The following ZCCHC14 variants were observed in gnomAD, a reference collection of about 807,000 sequenced individuals.
ZCCHC14 encodes zinc finger CCHC-type containing 14, also known as zinc finger CCHC domain-containing protein 14.
ZCCHC14 carries 16 observed loss-of-function variants against 85.0 expected under a neutral mutation model. That is an observed-to-expected ratio of 0.19 (90% CI 0.13 to 0.29). ZCCHC14 has a LOEUF of 0.29. ZCCHC14 is among the 10% of genes least tolerant of loss of function. ZCCHC14 has a pLI of 1.00. For synonymous variants in ZCCHC14, 775 were observed against 630.7 expected (o/e 1.23, Z -3.43); for missense variants, 1,303 against 1,443.5 (o/e 0.90, Z 1.58).
chr16:87,477,146 ACAAAACCAAAAAAAAATTGAAGTGGTG>A (rs1912054118), intron 1 of ZCCHC14, among the ~76,000 whole-genome samples: 1 of 99,778 alleles, frequency 1.0e-5, no homozygotes, highest in Admixed American at 1.2e-4. Context: ...AAAAAACAAA[ACAAAACCAAAAAAAAATTGAAGTGGTG>A]AAAACACCAG....
At chr16:87,468,497 C>A (rs1027087329) in intron 1 of ZCCHC14, among the ~76,000 whole-genome samples, 2 of 151,840 alleles carry the variant, frequency 1.3e-5, no homozygotes, top group African/African-American at 4.8e-5. Flanking sequence ...ACTTCAGCCT[C>A]CAGAGAAGCT....
intron 3 of ZCCHC14, among the ~76,000 whole-genome samples, chr16:87,424,554 G>T (rs1046272040): frequency 7.9e-5 from 12 of 152,276 alleles, no homozygotes; most frequent in African/African-American, 2.9e-4. Context: ...GTCACTGCAT[G>T]GCTCCACGGA....
chr16:87,413,215 G>T lies in ZCCHC14; in HGVS notation c.1604-20C>A. The T allele has an allele frequency of 6.6e-7, 1 of 1,518,856 alleles. No homozygotes were observed. The highest frequency in any genetic ancestry group is 8.8e-7 in the Non-Finnish European group (1 of 1,135,554). The allele number at this position is 1,518,856 out of a possible 1,614,324, so 94.1% of individuals were successfully genotyped here. A position where few individuals can be genotyped will look rare whatever the true frequency, so the allele number is the denominator to read the frequency against. ...GCAGCTCTGCAGAAAAGGGACAGAG[G>T]AGCAGCCATCAACTAGCGCCCCTGC... On this transcript the variant is annotated intron_variant, in intron 10 of 12. Coordinates refer to ENST00000671377, the MANE Select transcript of ZCCHC14 (RefSeq NM_015144.3).
At chr16:87,437,457 G>A (rs1420572920) in intron 2 of ZCCHC14, among the ~76,000 whole-genome samples, 1 of 151,940 alleles carries the variant, frequency 6.6e-6, no homozygotes, top group Non-Finnish European at 1.5e-5. Context: ...CCTCCGTGAG[G>A]AAAGCATTCA....
At chr16:87,415,424 C>T in intron 8 of ZCCHC14, 57 bp from the exon 9 acceptor site, 1 of 1,482,436 alleles carries the variant, frequency 6.7e-7, no homozygotes, top group Admixed American at 1.7e-5. Flanking sequence ...ACTCTGAGAA[C>T]AAAGAACTTG....
chr16:87,413,040 C>G lies in ZCCHC14; in HGVS notation c.1744+15G>C. ...GCTGGGCCAGGTCGAGCCAGCGCCG[C>G]GCACGTGCCCTTACGTCTGTCATTC... On this transcript the variant is annotated intron_variant, in intron 11 of 12. Transcript: ENST00000671377. 1 of 1,614,168 alleles carries G rather than the reference C, an allele frequency of 6.2e-7. No homozygotes were observed. Among genetic ancestry groups the G allele is most frequent in the Non-Finnish European group, 8.5e-7 (1 of 1,180,032 alleles).
Position 87,445,131 on chromosome 16 carries a change from A to G in ZCCHC14, c.695-11930T>C, listed in dbSNP as rs555549584. On this transcript the variant is annotated intron_variant, in intron 2 of 12. Transcript: ENST00000671377. Reference sequence around the variant, plus strand: ...CACCAGGCTGGAGTGCAGCGGTGTGATATCAGCTCACTGCAACCTCTGCCT... The same window carrying G: ...CACCAGGCTGGAGTGCAGCGGTGTGGTATCAGCTCACTGCAACCTCTGCCT... Among the ~76,000 whole-genome samples the G allele has an allele frequency of 5.3e-4, 80 of 150,144 alleles. 1 individual carries two copies. In the South Asian group the frequency reaches 0.014, roughly 27 times the overall value.
At chr16:87,418,580 A>G (rs927586661) in intron 7 of ZCCHC14, among the ~76,000 whole-genome samples, 1 of 152,212 alleles carries the variant, frequency 6.6e-6, no homozygotes, top group African/African-American at 2.4e-5. Context: ...TCACAGCCAG[A>G]TTCTCGGAAA....
At chr16:87,454,059 G>C (rs1321256008) in intron 2 of ZCCHC14, among the ~76,000 whole-genome samples, 1 of 152,194 alleles carries the variant, frequency 6.6e-6, no homozygotes, top group East Asian at 1.9e-4. Context: ...GACTGAAAAT[G>C]ACAGAAGGGT....
At chr16:87,477,132 A>AC (rs1181430373) in intron 1 of ZCCHC14, among the ~76,000 whole-genome samples, 5 of 144,788 alleles carry the variant, frequency 3.5e-5, no homozygotes, top group Non-Finnish European at 7.4e-5. Flanking sequence ...AAAAAAAAAA[A>AC]AAAAAAAAAC....
chr16:87,438,220 C>T (rs1910023507), intron 2 of ZCCHC14, among the ~76,000 whole-genome samples: 1 of 152,280 alleles, frequency 6.6e-6, no homozygotes, highest in Admixed American at 6.5e-5. Context: ...GGAATGCACG[C>T]CCCGACCCAG....
chr16:87,483,390 C>G (rs1283166849), intron 1 of ZCCHC14, among the ~76,000 whole-genome samples: 1 of 146,818 alleles, frequency 6.8e-6, no homozygotes, highest in Non-Finnish European at 1.5e-5. Context: ...ACTTGGGTGG[C>G]TGAGGCAGAA....
At chr16:87,435,670 C>T (rs989974584) in intron 2 of ZCCHC14, among the ~76,000 whole-genome samples, 1 of 152,274 alleles carries the variant, frequency 6.6e-6, no homozygotes, top group Admixed American at 6.5e-5. Context: ...AGGCAGCGGG[C>T]GCTGCGCTCC....
rs1034200358 is a variant in ZCCHC14 at position 87,491,493 on chromosome 16, G to A, written c.570+176C>T. On this transcript the variant is annotated intron_variant, in intron 1 of 12. Transcript: ENST00000671377. The surrounding 1 kb of genome is among the most constrained non-coding windows in gnomAD (Gnocchi z 5.9). ...TTTGGGGTGCGACATAGAGGCTTAG[G>A]ATGGGGCTTGGGATACGGGCTGGGG... is the stretch of plus-strand genomic sequence containing the variant. 5.7e-4 allele frequency among the ~76,000 whole-genome samples: 86 copies of A among 151,984 alleles called. 3 individuals are homozygous for A. Among genetic ancestry groups the A allele is most frequent in the African/African-American group, 7.2e-5 (3 of 41,380 alleles).
At chr16:87,436,834 T>C in intron 2 of ZCCHC14, among the ~76,000 whole-genome samples, 1 of 152,228 alleles carries the variant, frequency 6.6e-6, no homozygotes, top group East Asian at 1.9e-4. Context: ...AACTAAACGA[T>C]CGAAAGTGAT....
chr16:87,467,707 A>C, intron 1 of ZCCHC14: 1 of 694,624 alleles, frequency 1.4e-6, no homozygotes, highest in East Asian at 2.7e-5. Context: ...GCTGGAGTGC[A>C]GTGGTGCGAT....
intron 1 of ZCCHC14, among the ~76,000 whole-genome samples, chr16:87,480,570 C>T (rs990976019): frequency 6.6e-6 from 1 of 152,038 alleles, no homozygotes; most frequent in Non-Finnish European, 1.5e-5. Flanking sequence ...ACTACTGTGG[C>T]CACTGAAAAG....
rs561952240 is a variant in ZCCHC14 at position 87,423,298 on chromosome 16, T to G, written c.840+512A>C. ...TAAAGATAAACGTGGGAGGACCACT[T>G]GAGCACCAGGAGGTCAAGGCTGCAG... On this transcript the variant is annotated intron_variant, in intron 4 of 12. Transcript: ENST00000671377. Among the ~76,000 whole-genome samples the G allele has an allele frequency of 1.4e-3, 217 of 152,282 alleles. 3 individuals carry two copies. The highest frequency in any genetic ancestry group is 5.0e-3 in the African/African-American group (209 of 41,546).
chr16:87,423,107 G>A (rs1046773712), intron 4 of ZCCHC14, among the ~76,000 whole-genome samples: 2 of 152,262 alleles, frequency 1.3e-5, no homozygotes, highest in African/African-American at 2.4e-5. Flanking sequence ...GACTGCCTGA[G>A]AGGCATCACT....
Sources: allele counts gnomAD v4.1 joint callset (sites outside exome capture counted in the v4.1 genomes callset), GRCh38; gene constraint gnomAD v4.1.1; non-coding constraint Gnocchi (gnomAD v3.1); transcripts MANE v1.5; gene names NCBI Gene and HGNC (gene_info 2026-07-23, HGNC 2026-07-21).